ATP9B: variants seen among roughly 807,000 people sequenced by gnomAD.
The protein encoded by ATP9B is ATPase phospholipid transporting 9B.
In ATP9B, 110 loss-of-function variants were observed where a neutral mutation model predicts 146.1. That is an observed-to-expected ratio of 0.75 (90% confidence interval 0.65 to 0.88). The LOEUF is 0.88. Among genes scored for constraint, ATP9B ranks in the 40% least tolerant of loss-of-function variants. The probability of loss-of-function intolerance (pLI) is 0.00; values close to 1 mark genes in which losing one functional copy is unlikely to be tolerated. For synonymous variants in ATP9B, 604 were observed against 569.7 expected (o/e 1.06, Z -0.86); for missense variants, 1,499 against 1,496.4 (o/e 1.00, Z -0.03).
intron 27 of ATP9B, among the ~76,000 whole-genome samples, 162 bp downstream of exon 27, chr18:79,373,044 A>G (rs1244548095): frequency 3.5e-5 from 3 of 86,526 alleles, no homozygotes; most frequent in African/African-American, 1.2e-4. Flanking sequence ...TTCCAGCAAC[A>G]TGGGTCCTTT....
chr18:79,140,326 G>C (rs1242145662), intron 5 of ATP9B, among the ~76,000 whole-genome samples: 2 of 152,096 alleles, frequency 1.3e-5, no homozygotes, highest in African/African-American at 4.8e-5. Context: ...TCATCGAATG[G>C]AATTTTTTGG....
intron 5 of ATP9B, among the ~76,000 whole-genome samples, chr18:79,142,772 A>G (rs1413645943): frequency 6.6e-6 from 1 of 152,250 alleles, no homozygotes; most frequent in Non-Finnish European, 1.5e-5. Flanking sequence ...AATGCATATA[A>G]AAGTTTTGAT....
intron 15 of ATP9B, among the ~76,000 whole-genome samples, chr18:79,313,940 A>G (rs1303624966): frequency 2.0e-5 from 3 of 152,228 alleles, no homozygotes; most frequent in Non-Finnish European, 4.4e-5. Flanking sequence ...GCAAGTCCCT[A>G]AAGCCTCAGG....
rs1002931731 is a variant in ATP9B, at chr18:79,336,572, A to T, written c.2029-56A>T. ...GAGTGTGGCACTGCCCTGGCCCCAC[A>T]CACGGCCACAGGGGCTCTGCAGGGC... On this transcript the variant is annotated intron_variant, in intron 17 of 29. Coordinates refer to ENST00000426216, the MANE Select transcript of ATP9B (RefSeq NM_198531.5). 26 of 1,538,910 alleles carry T rather than the reference A, an allele frequency of 1.7e-5. No homozygotes were observed. In the African/African-American group the frequency reaches 3.0e-4, roughly 18 times the overall value.
intron 2 of ATP9B, among the ~76,000 whole-genome samples, chr18:79,103,278 T>G (rs896416763): frequency 8.2e-5 from 12 of 146,782 alleles, no homozygotes; most frequent in Non-Finnish European, 1.8e-4. Context: ...TTTTTTTTTT[T>G]TTTTTTTAAG....
intron 5 of ATP9B, among the ~76,000 whole-genome samples, chr18:79,133,662 C>G (rs571089635): frequency 1.6e-4 from 24 of 152,274 alleles, no homozygotes; most frequent in African/African-American, 3.4e-4. Context: ...TCAGGTCACC[C>G]TTAGAGGATC....
chr18:79,257,529 C>T (rs1031115158), intron 12 of ATP9B, among the ~76,000 whole-genome samples: 17 of 152,204 alleles, frequency 1.1e-4, no homozygotes, highest in African/African-American at 3.4e-4. Context: ...GAGAACCTTG[C>T]AGGGCTTCAG....
intron 3 of ATP9B, among the ~76,000 whole-genome samples, chr18:79,112,055 C>T (rs2076036140): frequency 1.3e-5 from 2 of 152,110 alleles, no homozygotes; most frequent in Middle Eastern, 3.2e-3. Flanking sequence ...GCAGGTTGAA[C>T]GTGATTATGA....
chr18:79,209,493 G>T (rs1003047728), intron 10 of ATP9B: 1 of 167,966 alleles, frequency 6.0e-6, no homozygotes, highest in Admixed American at 6.5e-5. Context: ...TGAGCTAAAG[G>T]CTTTTGAGAC....
intron 24 of ATP9B, 83 bp downstream of exon 24, chr18:79,348,008 G>A: frequency 3.8e-6 from 6 of 1,599,080 alleles, no homozygotes; most frequent in Middle Eastern, 1.7e-4. Flanking sequence ...CCGGGAGTGG[G>A]GGTGCTGAGT....
At position 79,126,282 on chromosome 18, in the gene ATP9B, G is replaced by GT. The variant is rs1369114265; in HGVS notation, c.576dup (p.Thr193TyrfsTer8). ...TGTTTTATAGGGATTTGTCTTGGCTGTTACTATGACACGGGAAGCAATTGA... is the reference window on the plus strand; with the variant it reads ...TGTTTTATAGGGATTTGTCTTGGCTGTTTACTATGACACGGGAAGCAATTGA... On this transcript the variant is annotated frameshift_variant, in exon 5 of 30. Transcript: ENST00000426216. LOFTEE classifies it high-confidence loss of function. 6.2e-7 allele frequency: 1 copy of GT among 1,611,268 alleles called. No homozygotes were observed. The highest frequency in any genetic ancestry group is 8.5e-7 in the Non-Finnish European group (1 of 1,178,212).
intron 26 of ATP9B, chr18:79,364,170 G>T (rs2097011370): frequency 6.6e-6 from 1 of 151,856 alleles, no homozygotes; most frequent in East Asian, 1.9e-4. Context: ...GGAGGCTGAG[G>T]CAGGAGAATG....
rs2095320943 is a variant in ATP9B at position 79,187,661 on chromosome 18, C to G, written c.874-5522C>G. Among the ~76,000 whole-genome samples the G allele has an allele frequency of 3.3e-5, 5 of 152,266 alleles. No individual in the cohort carries two copies. The South Asian group carries it at 8.3e-4, about 25-fold the overall frequency. ...CTGTGCTGCTGCTGAATGGAGTGCA[C>G]AAAACCATTCCAGCAGTTCTCAGAG... On this transcript the variant is annotated intron_variant, in intron 8 of 29. Coordinates refer to ENST00000426216, the MANE Select transcript of ATP9B (RefSeq NM_198531.5).
At chr18:79,265,396 G>A (rs1002462392) in intron 12 of ATP9B, among the ~76,000 whole-genome samples, 20 of 152,066 alleles carry the variant, frequency 1.3e-4, no homozygotes, top group African/African-American at 4.3e-4. Context: ...TGCCCGCCTC[G>A]GCCTCCCAAA....
chr18:79,234,119 G>A (rs2095817236), intron 11 of ATP9B, among the ~76,000 whole-genome samples: 1 of 152,130 alleles, frequency 6.6e-6, no homozygotes, highest in Non-Finnish European at 1.5e-5. Flanking sequence ...ATCAATCTTG[G>A]AACAGGGTTA....
intron 12 of ATP9B, among the ~76,000 whole-genome samples, chr18:79,266,812 G>T (rs1021855293): frequency 6.6e-6 from 1 of 151,962 alleles, no homozygotes; most frequent in African/African-American, 2.4e-5. Flanking sequence ...CATAATGATG[G>T]TATGTTAGTA....
chr18:79,140,775 C>A (rs1419704163), intron 5 of ATP9B, among the ~76,000 whole-genome samples: 1 of 151,978 alleles, frequency 6.6e-6, no homozygotes, highest in East Asian at 1.9e-4. Flanking sequence ...AGTGAAACTC[C>A]ATCTCAAACA....
chr18:79,263,241 T>C (rs1396937821), intron 12 of ATP9B, among the ~76,000 whole-genome samples: 1 of 152,196 alleles, frequency 6.6e-6, no homozygotes, highest in Non-Finnish European at 1.5e-5. Context: ...TTGGTTCCCA[T>C]GGGGGATTGG....
chr18:79,203,537 T>G lies in ATP9B; in HGVS notation c.955-3400T>G, dbSNP rs374386414. On this transcript the variant is annotated intron_variant, in intron 9 of 29. Coordinates refer to ENST00000426216, the MANE Select transcript of ATP9B (RefSeq NM_198531.5). ...TGTGGATATTAGAAAAAGAATTTCATGAGTGTTCTTTTGTTTATTGGACAA... is the reference window on the plus strand; with the variant it reads ...TGTGGATATTAGAAAAAGAATTTCAGGAGTGTTCTTTTGTTTATTGGACAA... Among the ~76,000 whole-genome samples, 20 of 152,348 alleles carry G rather than the reference T, an allele frequency of 1.3e-4. No homozygotes were observed. The East Asian group carries it at 3.5e-3, about 26-fold the overall frequency.
Sources: allele counts gnomAD v4.1 joint callset (sites outside exome capture counted in the v4.1 genomes callset), GRCh38; gene constraint gnomAD v4.1.1; transcripts MANE v1.5; gene names NCBI Gene and HGNC (gene_info 2026-07-23, HGNC 2026-07-21).